The following TBC1D22A variants were observed in gnomAD, a reference collection of about 807,000 sequenced individuals.
The protein encoded by TBC1D22A is TBC1 domain family member 22A, also known as putative GTPase activator.
Under a neutral mutation model 60.2 loss-of-function variants are expected in TBC1D22A, and 38 were observed. That is an observed-to-expected ratio of 0.63 (90% CI 0.49 to 0.83). The LOEUF is 0.83. Ranked by LOEUF, TBC1D22A falls within the 40% of genes least tolerant of loss-of-function variation. The pLI is 0.00. For missense variants in TBC1D22A, 628 were observed against 701.0 expected, an observed-to-expected ratio of 0.90 and a Z score of 1.18; for synonymous variants, 302 against 281.7, an observed-to-expected ratio of 1.07 and a Z score of -0.72.
intron 12 of TBC1D22A, among the ~76,000 whole-genome samples, chr22:47,151,207 C>G (rs1027041442): frequency 3.3e-5 from 5 of 152,188 alleles, no homozygotes; most frequent in African/African-American, 1.2e-4. Flanking sequence ...GATCTGAACA[C>G]ACTTTTAAAC....
intron 11 of TBC1D22A, among the ~76,000 whole-genome samples, chr22:47,100,712 C>T (rs1178752226): frequency 1.3e-5 from 2 of 152,324 alleles, no homozygotes. Context: ...GGCTCCCCAG[C>T]CATGTGGAAC....
At chr22:47,112,424 T>C (rs2065884296) in intron 12 of TBC1D22A, among the ~76,000 whole-genome samples, 1 of 152,146 alleles carries the variant, frequency 6.6e-6, no homozygotes, top group Non-Finnish European at 1.5e-5. Flanking sequence ...GGCTCTCGTC[T>C]CTCAGATAAA....
intron 10 of TBC1D22A, among the ~76,000 whole-genome samples, chr22:47,027,565 G>A (rs1603058989): frequency 6.6e-6 from 1 of 152,120 alleles, no homozygotes; most frequent in East Asian, 1.9e-4. Context: ...CCTGGTTGGG[G>A]TGGGAGACTA....
intron 10 of TBC1D22A, among the ~76,000 whole-genome samples, chr22:47,022,650 G>C (rs936592817): frequency 8.5e-5 from 13 of 152,192 alleles, no homozygotes; most frequent in African/African-American, 3.1e-4. Context: ...ACGGATGTGA[G>C]GTTGGGGAAG....
At chr22:46,869,904 A>C (rs187781329) in intron 4 of TBC1D22A, among the ~76,000 whole-genome samples, 1 of 152,238 alleles carries the variant, frequency 6.6e-6, no homozygotes, top group Non-Finnish European at 1.5e-5. Flanking sequence ...AGTTCTTTGC[A>C]TACACCACTT....
At chr22:46,825,162 G>T (rs562927836) in intron 4 of TBC1D22A, among the ~76,000 whole-genome samples, 85 of 152,296 alleles carry the variant, frequency 5.6e-4, no homozygotes, top group Admixed American at 2.2e-3. Context: ...GAGTGTCAGG[G>T]ATAATGTAAT....
chr22:46,776,800 C>T (rs1683779719), intron 1 of TBC1D22A, among the ~76,000 whole-genome samples: 1 of 152,012 alleles, frequency 6.6e-6, no homozygotes, highest in Admixed American at 6.6e-5. Flanking sequence ...AAAAAAGAGC[C>T]CTCCCGAGAG....
At chr22:46,975,416 G>T (rs1223271539) in intron 9 of TBC1D22A, among the ~76,000 whole-genome samples, 7 of 152,178 alleles carry the variant, frequency 4.6e-5, no homozygotes, top group Admixed American at 3.9e-4. Context: ...CCAGAGCGCG[G>T]TTTGGGTCGG....
chr22:47,137,855 G>T (rs1012277597), intron 12 of TBC1D22A, among the ~76,000 whole-genome samples: 1 of 152,120 alleles, frequency 6.6e-6, no homozygotes, highest in African/African-American at 2.4e-5. Flanking sequence ...GGAGCGGGGA[G>T]CCGGGAGTGG....
chr22:47,045,873 G>C (rs182127970), intron 11 of TBC1D22A, among the ~76,000 whole-genome samples: 13 of 152,238 alleles, frequency 8.5e-5, no homozygotes, highest in Admixed American at 2.0e-4. Flanking sequence ...CCTTCAGGTG[G>C]CTGCAGCCTT....
At chr22:46,826,676 C>T (rs978680721) in intron 4 of TBC1D22A, among the ~76,000 whole-genome samples, 21 of 152,098 alleles carry the variant, frequency 1.4e-4, no homozygotes, top group African/African-American at 4.6e-4. Flanking sequence ...AGCGAGGTCC[C>T]GGAGACTGTC....
chr22:46,799,824 G>T (rs900679836), intron 4 of TBC1D22A, among the ~76,000 whole-genome samples: 2 of 152,208 alleles, frequency 1.3e-5, no homozygotes, highest in Non-Finnish European at 2.9e-5. Context: ...TGTTCTCCTT[G>T]GTCATCACAG....
chr22:46,838,722 G>A (rs958095215), intron 4 of TBC1D22A, among the ~76,000 whole-genome samples: 21 of 152,256 alleles, frequency 1.4e-4, no homozygotes, highest in African/African-American at 4.8e-4. Context: ...GTGATTAATT[G>A]GGATTTATCG....
intron 6 of TBC1D22A, among the ~76,000 whole-genome samples, chr22:46,894,491 T>C (rs1341941241): frequency 2.0e-5 from 3 of 152,232 alleles, no homozygotes; most frequent in Admixed American, 2.0e-4. Flanking sequence ...CTATGGCTGA[T>C]GTTACTAAGC....
intron 8 of TBC1D22A, among the ~76,000 whole-genome samples, chr22:46,927,070 A>G (rs1470997815): frequency 2.6e-5 from 4 of 152,212 alleles, no homozygotes; most frequent in East Asian, 3.8e-4. Context: ...TTCAAAAAAT[A>G]GAAGAGGAGG....
At chr22:46,824,207 T>C (rs1174258666) in intron 4 of TBC1D22A, among the ~76,000 whole-genome samples, 2 of 152,172 alleles carry the variant, frequency 1.3e-5, no homozygotes, top group African/African-American at 4.8e-5. Flanking sequence ...TGGACCACTT[T>C]TTGGGTGTCC....
intron 11 of TBC1D22A, among the ~76,000 whole-genome samples, chr22:47,069,728 G>T (rs7286691): frequency 0.063 from 3,915 of 61,886 alleles, 611 homozygotes; most frequent in East Asian, 0.14. Flanking sequence ...GGCTGTTCCC[G>T]GTTGTTTGGT....
chr22:46,823,992 C>T (rs1387551792), intron 4 of TBC1D22A, among the ~76,000 whole-genome samples: 1 of 152,190 alleles, frequency 6.6e-6, no homozygotes, highest in Non-Finnish European at 1.5e-5. Flanking sequence ...TTTAAAGTGT[C>T]CCTGTAGCCG....
Position 47,028,231 on chromosome 22 carries a change from G to A in TBC1D22A, c.1202-8840G>A, listed in dbSNP as rs891784802. 6.6e-6 allele frequency among the ~76,000 whole-genome samples: 1 copy of A among 152,208 alleles called. No homozygotes were observed. The highest frequency in any genetic ancestry group is 6.5e-5 in the Admixed American group (1 of 15,292). Reference sequence around the variant, plus strand: ...AGATGAAAAGATTGCGTGCTGTGGCGTCAGATAAACACCATTTCTTTACAA... The same window carrying A: ...AGATGAAAAGATTGCGTGCTGTGGCATCAGATAAACACCATTTCTTTACAA... On this transcript the variant is annotated intron_variant, in intron 10 of 12. Transcript: ENST00000337137. The surrounding 1 kb of genome is among the most constrained non-coding windows in gnomAD (Gnocchi z 4.4).
Sources: gnomAD v4.1 joint callset for allele counts (sites outside exome capture counted in the v4.1 genomes callset) on GRCh38, gnomAD v4.1.1 for gene constraint, Gnocchi (gnomAD v3.1) non-coding constraint, MANE v1.5 for transcripts, NCBI Gene and HGNC (gene_info 2026-07-23, HGNC 2026-07-21) for gene names.